The following TACC2 variants were observed in gnomAD, a reference collection of about 807,000 sequenced individuals.
TACC2 encodes the protein transforming acidic coiled-coil-containing protein 2.
Under a neutral mutation model 227.3 loss-of-function variants are expected in TACC2, and 137 were observed. The ratio of observed to expected loss-of-function variants is 0.60; its 90% CI spans 0.52 to 0.69. TACC2 has a LOEUF of 0.69. Among genes scored for constraint, TACC2 ranks in the 30% least tolerant of loss-of-function variants. TACC2 has a pLI of 0.00. For synonymous variants in TACC2, 1,523 were observed against 1,487.5 expected (o/e 1.02, Z -0.55); for missense variants, 3,470 against 3,694.4 (o/e 0.94, Z 1.57).
intron 8 of TACC2, among the ~76,000 whole-genome samples, chr10:122,197,957 T>C (rs2094631833): frequency 1.3e-5 from 2 of 152,264 alleles, no homozygotes; most frequent in Admixed American, 1.3e-4. Flanking sequence ...ATTTGTTCTC[T>C]CAACCATAGG....
At chr10:122,103,514 A>G (rs1290364977) in intron 5 of TACC2, among the ~76,000 whole-genome samples, 1 of 152,188 alleles carries the variant, frequency 6.6e-6, no homozygotes, top group Non-Finnish European at 1.5e-5. Flanking sequence ...GTTATTTTAG[A>G]AAAGCTTTTA....
rs1386387813 is a variant in TACC2, at chr10:122,083,250, T to C, written c.750T>C (p.Pro250=). The change falls in exon 4 of 23, where the codon CCT becomes CCC. Residue 250 remains proline (P), a synonymous_variant. Coordinates refer to ENST00000369005, the MANE Select transcript of TACC2 (RefSeq NM_206862.4). ...GGGTGGCTTCTGTGCAAGTGACCCCTGAGGCCCCTGCTGCAGCCCAGCAGG... is the reference window on the plus strand; with the variant it reads ...GGGTGGCTTCTGTGCAAGTGACCCCCGAGGCCCCTGCTGCAGCCCAGCAGG... The part of the protein sequence containing the change: ...RQGVASVQVT[P]EAPAAAQQGT... The C allele has an allele frequency of 6.2e-7, 1 of 1,613,514 alleles. No individual in the cohort carries two copies. Among genetic ancestry groups the C allele is most frequent in the South Asian group, 1.1e-5 (1 of 91,070 alleles).
At chr10:122,073,005 A>G (rs2459064) in intron 3 of TACC2, among the ~76,000 whole-genome samples, 2,949 of 148,240 alleles carry the variant, frequency 0.02, 40 homozygotes, top group South Asian at 0.047. Context: ...CCCAGCTGCT[A>G]GGGAGGCTGA....
Position 122,085,828 on chromosome 10 carries a change from T to A in TACC2, c.3328T>A (p.Ser1110Thr), listed in dbSNP as rs1046697933. 2 of 1,611,950 alleles carry A rather than the reference T, an allele frequency of 1.2e-6. No individual in the cohort carries two copies. Among genetic ancestry groups the A allele is most frequent in the Non-Finnish European group, 1.7e-6 (2 of 1,178,900 alleles). Reference protein sequence around the residue: ...MECWATSDAESPKLLASFPSA... With the variant: ...MECWATSDAETPKLLASFPSA... ...GTGCTGGGCCACTTCGGATGCAGAG[T>A]CCCCAAAGCTTCTTGCAAGTTTCCC... Residue 1110 changes from serine (S) to threonine (T), a missense_variant, in exon 4 of 23, where the codon TCC becomes ACC. Ser to Thr is a moderately conservative substitution (Grantham distance 58, BLOSUM62 1). Around this residue, in one of 10 missense-constraint regions of TACC2, gnomAD observed 1,924 missense variants for 1,978.3 expected, o/e 0.97. Coordinates refer to ENST00000369005, the MANE Select transcript of TACC2 (RefSeq NM_206862.4).
chr10:122,249,811 C>A, intron 22 of TACC2, 147 bp downstream of exon 22: 2 of 1,015,626 alleles, frequency 2.0e-6, no homozygotes, highest in East Asian at 2.7e-5. Flanking sequence ...TTGGTTCCTT[C>A]TAGAAGTTCC....
At chr10:122,203,453 C>G (rs1321509888) in intron 8 of TACC2, among the ~76,000 whole-genome samples, 1 of 151,046 alleles carries the variant, frequency 6.6e-6, no homozygotes, top group East Asian at 2.0e-4. Flanking sequence ...AGGTGGCTGC[C>G]GGGTGGAGAC....
rs559878186 is a variant in TACC2 at position 122,025,496 on chromosome 10, C to G, written c.33+3482C>G. 3.9e-5 allele frequency among the ~76,000 whole-genome samples: 6 copies of G among 152,122 alleles called. No homozygotes were observed. In the South Asian group the frequency reaches 8.3e-4, roughly 21 times the overall value. On this transcript the variant is annotated intron_variant, in intron 2 of 22. Coordinates refer to ENST00000369005, the MANE Select transcript of TACC2 (RefSeq NM_206862.4). ...AAGGCTGGTCTTGAACTCCTGACCT[C>G]GTGATCCGCCCACCTCAGCCTCTCA...
intron 3 of TACC2, among the ~76,000 whole-genome samples, chr10:122,058,530 T>A (rs903234867): frequency 2.0e-5 from 3 of 152,118 alleles, no homozygotes; most frequent in Non-Finnish European, 4.4e-5. Context: ...TGCCTCAGCC[T>A]CCCAAGTACC....
chr10:121,990,541 G>GCT (rs1554948554), intron 1 of TACC2, among the ~76,000 whole-genome samples: 15 of 151,838 alleles, frequency 9.9e-5, no homozygotes, highest in African/African-American at 3.4e-4. Context: ...TTAATTTTCT[G>GCT]CCCAAGTACG....
At position 122,194,241 on chromosome 10, in the gene TACC2, C is replaced by G. The variant is rs1036502075; in HGVS notation, c.5835-799C>G. ...ACCTGGCCTGTTGGTTCCTCTTCAA[C>G]CCAGGCCAAGGCTTGGCCAGTGGCC... is the stretch of plus-strand genomic sequence containing the variant. On this transcript the variant is annotated intron_variant, in intron 7 of 22. Coordinates refer to ENST00000369005, the MANE Select transcript of TACC2 (RefSeq NM_206862.4). This position sits in a 1 kb window ranked among gnomAD's most constrained non-coding sequence, Gnocchi z 4.4. Among the ~76,000 whole-genome samples the G allele has an allele frequency of 1.5e-4, 23 of 152,232 alleles. No individual in the cohort carries two copies. Among genetic ancestry groups the G allele is most frequent in the African/African-American group, 5.1e-4 (21 of 41,460 alleles).
chr10:122,161,535 A>G (rs2092812848), intron 7 of TACC2, among the ~76,000 whole-genome samples: 1 of 152,238 alleles, frequency 6.6e-6, no homozygotes, highest in African/African-American at 2.4e-5. Flanking sequence ...CAGTATGGTT[A>G]AACAGTCGGC....
intron 2 of TACC2, among the ~76,000 whole-genome samples, chr10:122,048,885 C>A (rs1402470590): frequency 6.6e-6 from 1 of 152,212 alleles, no homozygotes; most frequent in African/African-American, 2.4e-5. Context: ...AGATGTTAAA[C>A]TGTGGTACAT....
chr10:122,161,901 C>T (rs1252801394), intron 7 of TACC2, among the ~76,000 whole-genome samples: 1 of 152,136 alleles, frequency 6.6e-6, no homozygotes, highest in Non-Finnish European at 1.5e-5. Flanking sequence ...CATATGGAGC[C>T]GAAGAGGTCT....
intron 19 of TACC2, among the ~76,000 whole-genome samples, chr10:122,242,448 T>C (rs2096017146): frequency 6.6e-6 from 1 of 152,192 alleles, no homozygotes; most frequent in Admixed American, 6.5e-5. Context: ...CACGGCGTGA[T>C]TGTCCGCCTC....
intron 7 of TACC2, among the ~76,000 whole-genome samples, chr10:122,176,107 C>CTATATA (rs1293775452): frequency 1.4e-5 from 1 of 70,532 alleles, no homozygotes; most frequent in African/African-American, 7.7e-5. Flanking sequence ...CTCTCTCTCT[C>CTATATA]TCTCTCTCTC....
intron 1 of TACC2, among the ~76,000 whole-genome samples, chr10:122,008,264 A>ATTATTATTATTTTTTTT: frequency 1.0e-4 from 14 of 134,652 alleles, no homozygotes; most frequent in African/African-American, 3.4e-4. Flanking sequence ...TATTATTATT[A>ATTATTATTATTTTTTTT]TTTTTTTTTT....
intron 2 of TACC2, among the ~76,000 whole-genome samples, chr10:122,043,721 A>G (rs994175340): frequency 1.6e-4 from 25 of 152,252 alleles, no homozygotes; most frequent in African/African-American, 6.0e-4. Context: ...CTGGGACTAC[A>G]GGTGCCCACC....
intron 3 of TACC2, among the ~76,000 whole-genome samples, chr10:122,058,733 C>T (rs1040197462): frequency 7.9e-5 from 12 of 151,928 alleles, no homozygotes; most frequent in Non-Finnish European, 1.3e-4. Flanking sequence ...AAGAAATAAG[C>T]TTTCCTCCCC....
intron 2 of TACC2, among the ~76,000 whole-genome samples, chr10:122,024,351 G>C (rs904084573): frequency 4.6e-5 from 7 of 152,138 alleles, no homozygotes; most frequent in Non-Finnish European, 1.0e-4. Context: ...GGTCAACAGA[G>C]CAAGACCCTG....
Sources: gnomAD v4.1 joint callset for allele counts (sites outside exome capture counted in the v4.1 genomes callset) on GRCh38, gnomAD v4.1.1 for gene constraint, gnomAD v4.1.1 regional missense constraint, Gnocchi (gnomAD v3.1) non-coding constraint, MANE v1.5 for transcripts, NCBI Gene and HGNC (gene_info 2026-07-23, HGNC 2026-07-21) for gene names.